MIR2052HG: variants seen among roughly 807,000 people sequenced by gnomAD.
MIR2052HG encodes the protein MIR2052 host gene.
chr8:74,742,608 AT>A (rs1360870922), intron 4 of MIR2052HG, among the ~76,000 whole-genome samples: 1 of 152,024 alleles, frequency 6.6e-6, no homozygotes, highest in East Asian at 1.9e-4. Flanking sequence ...ATTAGTAGTC[AT>A]TGCTGGGAAC....
chr8:74,613,072 C>T (rs1808223463), intron 2 of MIR2052HG: 1 of 342,580 alleles, frequency 2.9e-6, no homozygotes, highest in African/African-American at 2.1e-5. Context: ...TGAGAGAGGC[C>T]ACGGCTACAG....
At chr8:74,723,421 AT>A (rs2128754243) in intron 4 of MIR2052HG, among the ~76,000 whole-genome samples, 1 of 152,330 alleles carries the variant, frequency 6.6e-6, no homozygotes, top group South Asian at 2.1e-4. Flanking sequence ...ATAGTGTGTG[AT>A]GGAAAGAGCC....
intron 2 of MIR2052HG, among the ~76,000 whole-genome samples, chr8:74,644,628 C>T (rs796115782): frequency 1.4e-4 from 22 of 152,214 alleles, no homozygotes; most frequent in African/African-American, 4.1e-4. Context: ...CAGTGGCTCA[C>T]GCCTACAATC....
At chr8:74,661,792 T>C (rs550972238) in intron 2 of MIR2052HG, among the ~76,000 whole-genome samples, 47 of 152,312 alleles carry the variant, frequency 3.1e-4, no homozygotes, top group Non-Finnish European at 5.7e-4. Flanking sequence ...CAGAGCTAGG[T>C]ATATTTTTAT....
chr8:74,653,901 G>T (rs914802770), intron 2 of MIR2052HG, among the ~76,000 whole-genome samples: 1 of 152,114 alleles, frequency 6.6e-6, no homozygotes, highest in Non-Finnish European at 1.5e-5. Flanking sequence ...TGAAGAAATT[G>T]TTGATTTAAA....
intron 2 of MIR2052HG, among the ~76,000 whole-genome samples, chr8:74,663,933 G>T (rs997818142): frequency 6.6e-6 from 1 of 152,030 alleles, no homozygotes. Flanking sequence ...ATATTCCACC[G>T]TGAAAATTGG....
intron 4 of MIR2052HG, among the ~76,000 whole-genome samples, chr8:74,730,010 CTT>C (rs1180275142): frequency 6.6e-6 from 1 of 152,082 alleles, no homozygotes; most frequent in Non-Finnish European, 1.5e-5. Flanking sequence ...ATGTGAATAA[CTT>C]TTACTTATCT....
chr8:74,738,105 TTATGTATG>T (rs756618957), intron 4 of MIR2052HG, among the ~76,000 whole-genome samples: 15 of 144,950 alleles, frequency 1.0e-4, no homozygotes, highest in East Asian at 4.4e-4. Flanking sequence ...TATGTATCTG[TTATGTATG>T]TATGTATGTA....
intron 2 of MIR2052HG, among the ~76,000 whole-genome samples, chr8:74,699,402 G>A (rs1490082891): frequency 1.9e-5 from 2 of 102,870 alleles, no homozygotes; most frequent in African/African-American, 8.9e-5. Flanking sequence ...GTATGTGTAT[G>A]TGTGTGTGTG....
intron 4 of MIR2052HG, among the ~76,000 whole-genome samples, chr8:74,722,611 A>G (rs1809590632): frequency 6.6e-6 from 1 of 152,208 alleles, no homozygotes; most frequent in Admixed American, 6.5e-5. Flanking sequence ...TTTGGTATAC[A>G]AGTCTCTACT....
chr8:74,707,044 T>C (rs1383301377), intron 4 of MIR2052HG, among the ~76,000 whole-genome samples: 1 of 152,168 alleles, frequency 6.6e-6, no homozygotes, highest in Non-Finnish European at 1.5e-5. Flanking sequence ...TGTTTGTCAA[T>C]GTGACTAGTG....
intron 4 of MIR2052HG, among the ~76,000 whole-genome samples, chr8:74,736,638 A>G (rs1476234970): frequency 6.6e-6 from 1 of 152,238 alleles, no homozygotes; most frequent in Admixed American, 6.5e-5. Flanking sequence ...ATTGCCCAAG[A>G]GTCCCATAGC....
At chr8:74,665,664 AT>A (rs1460145226) in intron 2 of MIR2052HG, among the ~76,000 whole-genome samples, 3 of 151,746 alleles carry the variant, frequency 2.0e-5, no homozygotes, top group Admixed American at 6.6e-5. Flanking sequence ...CACATTTATG[AT>A]TTTTTTCTTC....
chr8:74,718,343 A>T (rs1809541567), intron 4 of MIR2052HG, among the ~76,000 whole-genome samples: 1 of 151,992 alleles, frequency 6.6e-6, no homozygotes, highest in Non-Finnish European at 1.5e-5. Context: ...ATCTCAATGT[A>T]AGCAGCCCAG....
chr8:74,738,037 TATGC>T (rs1217194466), intron 4 of MIR2052HG, among the ~76,000 whole-genome samples: 6 of 152,134 alleles, frequency 3.9e-5, no homozygotes, highest in African/African-American at 1.4e-4. Flanking sequence ...ATCTGTTATG[TATGC>T]ATGTATGTAT....
intron 2 of MIR2052HG, among the ~76,000 whole-genome samples, chr8:74,626,135 A>G (rs1434193495): frequency 2.6e-5 from 4 of 152,160 alleles, no homozygotes; most frequent in Non-Finnish European, 5.9e-5. Context: ...GTGCCCCGGG[A>G]GAACAGCACC....
intron 2 of MIR2052HG, among the ~76,000 whole-genome samples, chr8:74,656,195 G>C (rs1808804694): frequency 6.6e-6 from 1 of 152,158 alleles, no homozygotes; most frequent in African/African-American, 2.4e-5. Flanking sequence ...TGTCTCAGAT[G>C]AGACTTTGGA....
intron 2 of MIR2052HG, among the ~76,000 whole-genome samples, chr8:74,644,648 T>C (rs1356380815): frequency 6.6e-6 from 1 of 152,066 alleles, no homozygotes; most frequent in Non-Finnish European, 1.5e-5. Context: ...CCTAGCACTT[T>C]GGGGGGCTGA....
At chr8:74,705,917 G>C (rs1008572346) in intron 4 of MIR2052HG, among the ~76,000 whole-genome samples, 3 of 152,034 alleles carry the variant, frequency 2.0e-5, no homozygotes, top group African/African-American at 4.8e-5. Flanking sequence ...ATCATATGCT[G>C]TTTATATCCC....
Sources: gnomAD v4.1 joint callset for allele counts (sites outside exome capture counted in the v4.1 genomes callset) on GRCh38, gnomAD v4.1.1 for gene constraint, MANE v1.5 for transcripts, NCBI Gene and HGNC (gene_info 2026-07-23, HGNC 2026-07-21) for gene names.